The following TAF9 variants were observed in gnomAD, a reference collection of about 807,000 sequenced individuals.
TAF9 encodes the protein TATA-box binding protein associated factor 9, also known as transcription initiation factor TFIID subunit 9.
A neutral mutation model predicts 16.5 loss-of-function variants in TAF9; 10 were observed. The observed-to-expected ratio is 0.61, with a 90% CI of 0.37 to 1.03. TAF9 has a LOEUF of 1.03. TAF9 is among the 50% of genes least tolerant of loss of function. TAF9 has a pLI of 0.01. For synonymous variants in TAF9, 105 were observed against 120.5 expected (o/e 0.87, Z 0.84); for missense variants, 288 against 319.1 (o/e 0.90, Z 0.74).
At chr5:69,368,853 T>A (rs961282427) in intron 1 of TAF9, 1 of 152,352 alleles carries the variant, frequency 6.6e-6, no homozygotes, top group Non-Finnish European at 1.5e-5. Flanking sequence ...GACCCACTCC[T>A]ACGCGAGAAA....
rs918036432 is a variant in TAF9, at chr5:69,365,319, G to A, written c.419C>T (p.Ala140Val). Residue 140 changes from alanine to valine, a missense_variant, in exon 3 of 3, where the codon GCG becomes GTG. Coordinates refer to ENST00000217893, the MANE Select transcript of TAF9 (RefSeq NM_003187.5). ...TAACCGCGGGACTGTTATTCTTCCC[G>A]CAGAAGTTGATGCCTTTTTCTGTAA... ...KSLQKKASTS[A>V]GRITVPRLSV... 8.1e-6 allele frequency: 13 copies of A among 1,614,074 alleles called. No individual in the cohort carries two copies. Among genetic ancestry groups the A allele is most frequent in the African/African-American group, 1.3e-5 (1 of 74,928 alleles).
At chr5:69,366,780 C>CA (rs1762447089) in intron 1 of TAF9, 185 bp from the exon 2 acceptor site, 1 of 579,214 alleles carries the variant, frequency 1.7e-6, no homozygotes, top group Non-Finnish European at 3.1e-6. Flanking sequence ...TTTTTTGAGA[C>CA]AGAGTTTCAC....
rs1336430260 is a variant in TAF9 at position 69,369,513 on chromosome 5, G to C, written c.-161C>G. 1.2e-6 allele frequency: 2 copies of C among 1,611,070 alleles called. No homozygotes were observed. The highest frequency in any genetic ancestry group is 3.3e-5 in the Admixed American group (2 of 59,916). On this transcript the variant is annotated 5_prime_UTR_variant, in exon 1 of 3. Coordinates refer to ENST00000217893, the MANE Select transcript of TAF9 (RefSeq NM_003187.5). Reference sequence around the variant, plus strand: ...CATGGTCCCCGCCGCGACGGCTTCGGGCGCCTCGCTCACGTGCCCTTTGCT... The same window carrying C: ...CATGGTCCCCGCCGCGACGGCTTCGCGCGCCTCGCTCACGTGCCCTTTGCT...
intron 1 of TAF9, chr5:69,369,193 A>C: frequency 6.1e-6 from 3 of 490,456 alleles, no homozygotes; most frequent in Non-Finnish European, 3.5e-6. Context: ...GCAGGTTGCC[A>C]AGCTGGAGAG....
intron 1 of TAF9, chr5:69,369,168 A>C: frequency 2.1e-6 from 1 of 487,030 alleles, no homozygotes. Flanking sequence ...GAAATACCAG[A>C]TTCAGAAAGA....
At chr5:69,369,688 G>A (rs1204799098), upstream of TAF9, 13 of 1,553,678 alleles carry the variant, frequency 8.4e-6, no homozygotes, top group Admixed American at 1.4e-4. Context: ...CCGTCGCAAA[G>A]TTGGAGGGTG....
In TAF9 at chr5:69,366,690, T is replaced by C. The variant is rs114975489; in HGVS notation, c.-110-95A>G. 2,434 of 916,680 alleles carry C rather than the reference T, an allele frequency of 2.7e-3. 47 individuals are homozygous for C. In the African/African-American group the frequency reaches 0.036, roughly 14 times the overall value. The allele number at this position is 916,680 out of a possible 1,614,324, so 56.8% of individuals were successfully genotyped here. On this transcript the variant is annotated intron_variant, in intron 1 of 2. Coordinates refer to ENST00000217893, the MANE Select transcript of TAF9 (RefSeq NM_003187.5). ...CTTTCCTTTTATTTTTGAGACAGAG[T>C]CTCACCTGGCCTCTGCCCTTAAAAG...
intron 2 of TAF9, among the ~76,000 whole-genome samples, chr5:69,366,196 T>C (rs746315028): frequency 2.0e-5 from 3 of 152,252 alleles, no homozygotes; most frequent in African/African-American, 2.4e-5. Flanking sequence ...ACCAAACCTT[T>C]GTTTGTTCAA....
Position 69,366,471 on chromosome 5 carries a change from C to T in TAF9, c.-18+32G>A, listed in dbSNP as rs755634614. ...CACTTACCAGACCTTAAAAAAAAAA[C>T]AAAACAAATCTAACACCAAAGTGTC... On this transcript the variant is annotated intron_variant, in intron 2 of 2. Transcript: ENST00000217893. The T allele has an allele frequency of 3.2e-6, 5 of 1,545,326 alleles. No homozygotes were observed. The South Asian group carries it at 4.5e-5, about 14-fold the overall frequency.
chr5:69,365,400 G>C lies in TAF9; in HGVS notation c.338C>G (p.Pro113Arg), dbSNP rs747941480. 1.9e-6 allele frequency: 3 copies of C among 1,614,200 alleles called. No homozygotes were observed. Among genetic ancestry groups the C allele is most frequent in the Non-Finnish European group, 2.5e-6 (3 of 1,180,030 alleles). Residue 113 changes from proline to arginine, a missense_variant, in exon 3 of 3, where the codon CCT becomes CGT. By Grantham distance (103) the Pro-to-Arg change is moderately radical. Coordinates refer to ENST00000217893, the MANE Select transcript of TAF9 (RefSeq NM_003187.5). ...GCAGTATCTATCAGGTGGCAACCTA[G>C]GACCTGAATATGGCTTGATCAATGG... Reference protein sequence around the residue: ...PLPLIKPYSGPRLPPDRYCLT... With the variant: ...PLPLIKPYSGRRLPPDRYCLT...
At chr5:69,367,821 C>G (rs932033573) in intron 1 of TAF9, 1 of 152,198 alleles carries the variant, frequency 6.6e-6, no homozygotes, top group Non-Finnish European at 1.5e-5. Flanking sequence ...CTGGGATTTA[C>G]AGGCATGAGC....
chr5:69,367,667 C>T (rs1762515836), intron 1 of TAF9, among the ~76,000 whole-genome samples: 1 of 152,094 alleles, frequency 6.6e-6, no homozygotes, highest in Non-Finnish European at 1.5e-5. Context: ...ATCCTCCCAT[C>T]TCAGCCTGTC....
In TAF9 at chr5:69,366,497, C is replaced by T. The variant is rs761031032; in HGVS notation, c.-18+6G>A. The T allele has an allele frequency of 5.6e-6, 9 of 1,611,158 alleles. No homozygotes were observed. Among genetic ancestry groups the T allele is most frequent in the South Asian group, 5.5e-5 (5 of 90,902 alleles). ...AAAACAAATCTAACACCAAAGTGTCCCTTACCTTCTCGAGCTAAATCACCC... is the reference window on the plus strand; with the variant it reads ...AAAACAAATCTAACACCAAAGTGTCTCTTACCTTCTCGAGCTAAATCACCC... On this transcript the variant is annotated splice_donor_region_variant and intron_variant, in intron 2 of 2. Transcript: ENST00000217893.
chr5:69,369,594 C>G, upstream of TAF9: 1 of 1,595,660 alleles, frequency 6.3e-7, no homozygotes, highest in Non-Finnish European at 8.5e-7. Flanking sequence ...GCCCCAAAGG[C>G]CCCGAAGCCC....
At chr5:69,367,378 C>T (rs1323008046) in intron 1 of TAF9, among the ~76,000 whole-genome samples, 2 of 151,520 alleles carry the variant, frequency 1.3e-5, no homozygotes, top group African/African-American at 2.4e-5. Context: ...GGCGTGGTGG[C>T]GCGTGCCTGT....
At chr5:69,369,311 G>A in intron 1 of TAF9, 152 bp downstream of exon 1, 1 of 608,840 alleles carries the variant, frequency 1.6e-6, no homozygotes, top group East Asian at 6.2e-5. Flanking sequence ...CGCCCGCGAG[G>A]GTCGGCTCCC....
chr5:69,365,570 A>T lies in TAF9; in HGVS notation c.168T>A (p.Ile56=). 1 of 1,614,070 alleles carries T rather than the reference A, an allele frequency of 6.2e-7. No homozygotes were observed. The highest frequency in any genetic ancestry group is 1.1e-5 in the South Asian group (1 of 91,064). ...YVTTILDDAK[I]YSSHAKKATV... Reference sequence around the variant, plus strand: ...TAGCTTTCTTAGCATGGCTTGAATAAATTTTTGCATCATCTAGAATTGTGG... The same window carrying T: ...TAGCTTTCTTAGCATGGCTTGAATATATTTTTGCATCATCTAGAATTGTGG... Residue 56 remains isoleucine (I), a synonymous_variant, in exon 3 of 3, where the codon ATT becomes ATA. Transcript: ENST00000217893.
chr5:69,366,478 A>C lies in TAF9; in HGVS notation c.-18+25T>G, dbSNP rs748811045. 1.9e-6 allele frequency: 3 copies of C among 1,596,398 alleles called. No individual in the cohort carries two copies. The Admixed American group carries it at 5.1e-5, about 27-fold the overall frequency. On this transcript the variant is annotated intron_variant, in intron 2 of 2. Coordinates refer to ENST00000217893, the MANE Select transcript of TAF9 (RefSeq NM_003187.5). ...CAGACCTTAAAAAAAAAACAAAACA[A>C]ATCTAACACCAAAGTGTCCCTTACC...
intron 1 of TAF9, 47 bp from the exon 2 acceptor site, chr5:69,366,642 T>A (rs781664484): frequency 1.5e-6 from 2 of 1,342,984 alleles, no homozygotes; most frequent in Non-Finnish European, 2.1e-6. Flanking sequence ...ATACTACTTA[T>A]CACACTGCGG....
Sources: allele counts gnomAD v4.1 joint callset (sites outside exome capture counted in the v4.1 genomes callset), GRCh38; gene constraint gnomAD v4.1.1; transcripts MANE v1.5; gene names NCBI Gene and HGNC (gene_info 2026-07-23, HGNC 2026-07-21).